Variants in MNX1 observed in about 807,000 individuals in gnomAD.
MNX1 encodes motor neuron and pancreas homeobox protein 1.
In MNX1, 2 loss-of-function variants were observed where a neutral mutation model predicts 17.3. The observed-to-expected ratio is 0.12, with a 90% CI of 0.05 to 0.36. The LOEUF (loss-of-function observed/expected upper bound fraction) is 0.36, where lower values mean the gene tolerates loss of function less well. Ranked by LOEUF, MNX1 falls within the 10% of genes least tolerant of loss-of-function variation. The pLI, the probability that MNX1 is intolerant of heterozygous loss-of-function variation, is 1.00. For synonymous variants in MNX1, 306 were observed against 283.1 expected (o/e 1.08, Z -0.81); for missense variants, 556 against 564.7 (o/e 0.98, Z 0.16).
intron 1 of MNX1, chr7:157,007,654 C>G (rs1193018320): frequency 6.6e-6 from 1 of 152,256 alleles, no homozygotes; most frequent in African/African-American, 2.4e-5. Context: ...GGTTACATCA[C>G]AGAGAATTTT....
In MNX1 at chr7:157,006,851, C is replaced by A; in HGVS notation, c.692-212G>T. The A allele has an allele frequency of 2.0e-5, 7 of 349,356 alleles. No individual in the cohort carries two copies. The highest frequency in any genetic ancestry group is 5.1e-5 in the Admixed American group (1 of 19,622). The allele number at this position is 349,356 out of a possible 1,614,324, so 21.6% of individuals were successfully genotyped here. ...ATGGATAGTTTGGAGTTAATGAGAC[C>A]AATTTTTTTTTTTTTTTTTGTCTAG... On this transcript the variant is annotated intron_variant, in intron 1 of 2. Coordinates refer to ENST00000252971, the MANE Select transcript of MNX1 (RefSeq NM_005515.4). This position sits in a 1 kb window ranked among gnomAD's most constrained non-coding sequence, Gnocchi z 6.3.
Position 157,006,215 on chromosome 7 carries a change from CTCTT to C in MNX1, c.852+260_852+263del. 1 of 585,112 alleles carries C rather than the reference CTCTT, an allele frequency of 1.7e-6. No homozygotes were observed. The highest frequency in any genetic ancestry group is 2.1e-5 in the South Asian group (1 of 47,774). The allele number at this position is 585,112 out of a possible 1,614,324, so 36.2% of individuals were successfully genotyped here. ...GGTAAATCTCAGGATGTTCCCTCCT[CTCTT>C]TCTGGAACAAAATTTCTCGAATGCG... On this transcript the variant is annotated intron_variant, in intron 2 of 2. Transcript: ENST00000252971. This position sits in a 1 kb window ranked among gnomAD's most constrained non-coding sequence, Gnocchi z 6.3.
In MNX1 at chr7:157,005,678, C is replaced by T. The variant is rs1292330977; in HGVS notation, c.1048G>A (p.Asp350Asn). 2.0e-5 allele frequency: 32 copies of T among 1,610,640 alleles called. No homozygotes were observed. Among genetic ancestry groups the T allele is most frequent in the African/African-American group, 2.7e-5 (2 of 74,834 alleles). ...GDKGSGRRLR[D>N]LRDSDPEEDE... ...TCCTCGGGGTCACTGTCCCTCAAGT[C>T]CCGCAGGCGGCGTCCGCTGCCCTTG... The change falls in exon 3 of 3, where the codon GAC (aspartate) becomes AAC (asparagine). Residue 350 changes from aspartate (D) to asparagine (N), a missense_variant. Asp to Asn is a conservative substitution (Grantham distance 23). Transcript: ENST00000252971.
Position 157,005,754 on chromosome 7 carries a change from G to A in MNX1, c.972C>T (p.Gly324=), listed in dbSNP as rs755749220. The change falls in exon 3 of 3, where the codon GGC becomes GGT. Residue 324 remains glycine (G), a synonymous_variant. Transcript: ENST00000252971. ...KGGGGGAGKG[G]AEEPGAEELL... is the part of the protein sequence containing the mutation. The stretch of plus-strand genomic sequence containing the variant: ...GCTCCTCGGCTCCCGGCTCCTCCGC[G>A]CCGCCCTTCCCCGCGCCCCCGCCGC... The A allele has an allele frequency of 1.9e-6, 3 of 1,609,014 alleles. No homozygotes were observed. The highest frequency in any genetic ancestry group is 3.3e-5 in the Admixed American group (2 of 59,950).
chr7:157,009,817 C>T lies in MNX1; in HGVS notation c.534G>A (p.Gln178=). ...AAAAAAALAG[Q]HPALSYSYPQ... is the part of the protein sequence containing the mutation. ...GGTACGAGTAGGAGAGCGCCGGGTG[C>T]TGGCCCGCCAGCGCAGCCGCCGCCG... Residue 178 remains glutamine (Q), a synonymous_variant, in exon 1 of 3, where the codon CAG becomes CAA. Coordinates refer to ENST00000252971, the MANE Select transcript of MNX1 (RefSeq NM_005515.4). 6.5e-7 allele frequency: 1 copy of T among 1,528,876 alleles called. No individual in the cohort carries two copies. Among genetic ancestry groups the T allele is most frequent in the African/African-American group, 1.4e-5 (1 of 70,776 alleles). The allele number at this position is 1,528,876 out of a possible 1,614,324, so 94.7% of individuals were successfully genotyped here. A position where few individuals can be genotyped will look rare whatever the true frequency, so the allele number is the denominator to read the frequency against.
intron 1 of MNX1, among the ~76,000 whole-genome samples, chr7:157,007,285 G>A (rs1399565822): frequency 2.0e-5 from 3 of 151,238 alleles, no homozygotes; most frequent in African/African-American, 7.3e-5. Context: ...AGGAGGAGGA[G>A]GAGGAGAAAA....
chr7:157,010,009 G>T lies in MNX1; in HGVS notation c.342C>A (p.His114Gln). The part of the protein sequence containing the change: ...GGTGGGHGGP[H>Q]HHAHPGAAAA... ...CCGCTGCGCCCGGATGCGCGTGGTG[G>T]TGGGGCCCCCCGTGCCCGCCGCCCG... The change falls in exon 1 of 3, where the codon CAC becomes CAA. Residue 114 changes from histidine (H) to glutamine (Q), a missense_variant. Physicochemically the swap from His to Gln is conservative, Grantham distance 24. Coordinates refer to ENST00000252971, the MANE Select transcript of MNX1 (RefSeq NM_005515.4). 1 of 986,584 alleles carries T rather than the reference G, an allele frequency of 1.0e-6. No homozygotes were observed. Among genetic ancestry groups the T allele is most frequent in the Non-Finnish European group, 1.2e-6 (1 of 836,164 alleles). 61.1% of individuals were successfully genotyped at this position (986,584 alleles called of 1,614,324 possible). A position where few individuals can be genotyped will look rare whatever the true frequency, so the allele number is the denominator to read the frequency against.
intron 1 of MNX1, chr7:157,009,215 C>A (rs1474193292): frequency 6.9e-6 from 10 of 1,443,276 alleles, no homozygotes; most frequent in Non-Finnish European, 8.2e-6. Context: ...TCCTGAAGCA[C>A]TCCCTCTCCC....
Position 157,005,737 on chromosome 7 carries a change from G to A in MNX1, c.989C>T (p.Ala330Val), listed in dbSNP as rs769934287. The A allele has an allele frequency of 6.2e-7, 1 of 1,609,180 alleles. No individual in the cohort carries two copies. Among genetic ancestry groups the A allele is most frequent in the Non-Finnish European group, 8.5e-7 (1 of 1,179,226 alleles). ...AGKGGAEEPG[A>V]EELLGPPAPG... is the part of the protein sequence containing the mutation. ...CGCTGGCGGCCCCAGCAGCTCCTCG[G>A]CTCCCGGCTCCTCCGCGCCGCCCTT... Residue 330 changes from alanine to valine, a missense_variant, in exon 3 of 3, where the codon GCC (alanine) becomes GTC (valine). Ala to Val is a moderately conservative substitution (Grantham distance 64). Coordinates refer to ENST00000252971, the MANE Select transcript of MNX1 (RefSeq NM_005515.4).
rs1026203715 is a variant in MNX1, at chr7:157,010,118, G to A, written c.233C>T (p.Pro78Leu). 1 of 998,906 alleles carries A rather than the reference G, an allele frequency of 1.0e-6. No individual in the cohort carries two copies. The highest frequency in any genetic ancestry group is 1.2e-6 in the Non-Finnish European group (1 of 840,676). 61.9% of individuals were successfully genotyped at this position (998,906 alleles called of 1,614,324 possible). A position where few individuals can be genotyped will look rare whatever the true frequency, so the allele number is the denominator to read the frequency against. ...APADRLRAES[P>L]SPPRLLAAHC... ...CGCGGCCAGCAGGCGCGGCGGCGAC[G>A]GGCTCTCGGCGCGCAGGCGGTCGGC... The change falls in exon 1 of 3, where the codon CCG becomes CTG. Residue 78 changes from proline (P) to leucine (L), a missense_variant. Physicochemically the swap from Pro to Leu is moderately conservative, Grantham distance 98. Coordinates refer to ENST00000252971, the MANE Select transcript of MNX1 (RefSeq NM_005515.4).
chr7:157,005,939 C>T (rs1805589467), intron 2 of MNX1, 66 bp from the exon 3 acceptor site: 1 of 1,586,112 alleles, frequency 6.3e-7, no homozygotes, highest in Non-Finnish European at 8.6e-7. Flanking sequence ...CCCCGGAGTC[C>T]CCCGGCCGCG....
In MNX1 at chr7:157,005,622, G is replaced by C. The variant is rs1368718780; in HGVS notation, c.1104C>G (p.Phe368Leu). Residue 368 changes from phenylalanine (F) to leucine (L), a missense_variant, in exon 3 of 3, where the codon TTC becomes TTG. By Grantham distance (22) the Phe-to-Leu change is conservative (BLOSUM62 0). Transcript: ENST00000252971. ...GGACGCTGGCGCCGTTGCTGTAGGGGAAATGGTCCTCGTCGTCCTCGTCCT... is the reference window on the plus strand; with the variant it reads ...GGACGCTGGCGCCGTTGCTGTAGGGCAAATGGTCCTCGTCGTCCTCGTCCT... The part of the protein sequence containing the change: ...EDEDEDDEDH[F>L]PYSNGASVHA... 2 of 1,608,894 alleles carry C rather than the reference G, an allele frequency of 1.2e-6. No homozygotes were observed. The highest frequency in any genetic ancestry group is 1.7e-5 in the Admixed American group (1 of 59,762).
At chr7:157,008,918 G>A in intron 1 of MNX1, 3 of 1,439,214 alleles carry the variant, frequency 2.1e-6, no homozygotes, top group Non-Finnish European at 9.4e-7. Flanking sequence ...GGATGGAGAG[G>A]AAGCTGCCCG....
At chr7:157,008,514 G>A (rs995938953) in intron 1 of MNX1, 1 of 154,204 alleles carries the variant, frequency 6.5e-6, no homozygotes, top group Non-Finnish European at 1.4e-5. Context: ...GCCTTCTGCA[G>A]GGATTCTTCT....
rs548755417 is a variant in MNX1, at chr7:157,009,949, A to AGCGGCG, written c.396_401dup (p.Ala133_Ala134dup). 0.74 allele frequency: 668,414 copies of AGCGGCG among 905,840 alleles called. 239,175 individuals are homozygous for AGCGGCG. The highest frequency in any genetic ancestry group is 0.78 in the Admixed American group (11,498 of 14,812). The allele number at this position is 905,840 out of a possible 1,614,324, so 56.1% of individuals were successfully genotyped here. On this transcript the variant is annotated inframe_insertion, in exon 1 of 3. Coordinates refer to ENST00000252971, the MANE Select transcript of MNX1 (RefSeq NM_005515.4). ...GGTGCAGCCCCAGCGCCAGGCCCCC[A>AGCGGCG]GCGGCGGCGGCGGCGGCGGCGGCGG...
intron 1 of MNX1, chr7:157,008,966 C>T: frequency 1.3e-6 from 2 of 1,534,548 alleles, no homozygotes; most frequent in South Asian, 2.4e-5. Context: ...ACAGGGGCTC[C>T]CTCGGCCCCA....
intron 1 of MNX1, chr7:157,009,080 C>A: frequency 6.5e-7 from 1 of 1,536,628 alleles, no homozygotes; most frequent in Middle Eastern, 1.7e-4. Flanking sequence ...CCACCTGCCT[C>A]GGCCATCGCA....
Position 157,010,091 on chromosome 7 carries a change from T to C in MNX1, c.260A>G (p.His87Arg). The C allele has an allele frequency of 1.0e-6, 1 of 983,276 alleles. No individual in the cohort carries two copies. The allele number at this position is 983,276 out of a possible 1,614,324, so 60.9% of individuals were successfully genotyped here. ...SPSPPRLLAAHCALLPKPGFL... is the reference protein window; with the variant it reads ...SPSPPRLLAARCALLPKPGFL... ...GCCCGGCTTGGGCAGCAGCGCGCAG[T>C]GCGCGGCCAGCAGGCGCGGCGGCGA... Residue 87 changes from histidine (H) to arginine (R), a missense_variant, in exon 1 of 3, where the codon CAC becomes CGC. Physicochemically the swap from His to Arg is conservative, Grantham distance 29. Around this residue, in one of 7 missense-constraint regions of MNX1, gnomAD observed 115 missense variants for 103.5 expected, o/e 1.11. Transcript: ENST00000252971.
chr7:157,009,376 C>T, intron 1 of MNX1: 1 of 1,419,334 alleles, frequency 7.0e-7, no homozygotes, highest in Non-Finnish European at 9.2e-7. Flanking sequence ...CTCCTGCAGC[C>T]TTCGGGTTAA....
Sources: gnomAD v4.1 joint callset for allele counts (sites outside exome capture counted in the v4.1 genomes callset) on GRCh38, gnomAD v4.1.1 for gene constraint, gnomAD v4.1.1 regional missense constraint, Gnocchi (gnomAD v3.1) non-coding constraint, MANE v1.5 for transcripts, NCBI Gene and HGNC (gene_info 2026-07-23, HGNC 2026-07-21) for gene names.